HPSE2: variants seen among roughly 807,000 people sequenced by gnomAD.
HPSE2 encodes heparanase 2 (inactive).
Under a neutral mutation model 60.5 loss-of-function variants are expected in HPSE2, and 38 were observed. The observed-to-expected ratio is 0.63, with a 90% CI of 0.48 to 0.82. The LOEUF is 0.82. Among genes scored for constraint, HPSE2 ranks in the 40% least tolerant of loss-of-function variants. HPSE2 has a pLI of 0.00. For synonymous variants in HPSE2, 295 were observed against 293.2 expected, an observed-to-expected ratio of 1.01 and a Z score of -0.06; for missense variants, 713 against 740.4, an observed-to-expected ratio of 0.96 and a Z score of 0.43.
intron 9 of HPSE2, among the ~76,000 whole-genome samples, chr10:98,537,223 G>C (rs1047920781): frequency 6.6e-6 from 1 of 152,136 alleles, no homozygotes; most frequent in Admixed American, 6.5e-5. Context: ...GAGAGGTAGG[G>C]GAATGGAGAT....
intron 6 of HPSE2, among the ~76,000 whole-genome samples, chr10:98,648,729 C>T (rs1401779661): frequency 1.3e-5 from 2 of 151,682 alleles, no homozygotes; most frequent in Non-Finnish European, 2.9e-5. Context: ...GGTGACAGAA[C>T]GAGACTCTCT....
At chr10:99,139,118 A>G (rs1845771178) in intron 3 of HPSE2, among the ~76,000 whole-genome samples, 1 of 152,178 alleles carries the variant, frequency 6.6e-6, no homozygotes, top group Non-Finnish European at 1.5e-5. Flanking sequence ...CAAAGAATAA[A>G]ATGATGTCTT....
chr10:98,866,092 A>G (rs1952580713), intron 3 of HPSE2, among the ~76,000 whole-genome samples: 1 of 152,086 alleles, frequency 6.6e-6, no homozygotes, highest in Non-Finnish European at 1.5e-5. Context: ...ATCCAAAACA[A>G]CTCAGAACTG....
At chr10:98,772,365 C>T (rs953523068) in intron 3 of HPSE2, among the ~76,000 whole-genome samples, 7 of 152,112 alleles carry the variant, frequency 4.6e-5, no homozygotes, top group Non-Finnish European at 8.8e-5. Context: ...ATCAAGAGTC[C>T]TGATCCTTTG....
At chr10:99,244,282 A>G in the HPSE2 span, among the ~76,000 whole-genome samples, 1 of 151,594 alleles carries the variant, frequency 6.6e-6, no homozygotes, top group East Asian at 1.9e-4. Flanking sequence ...CTCCCAAAGT[A>G]CTGGGATTAC....
chr10:98,817,996 T>TC (rs375573445), intron 3 of HPSE2, among the ~76,000 whole-genome samples: 83 of 152,316 alleles, frequency 5.4e-4, no homozygotes, highest in South Asian at 1.7e-3. Context: ...CTGTTCATAC[T>TC]CCAGTCCCTC....
intron 9 of HPSE2, among the ~76,000 whole-genome samples, chr10:98,565,925 A>G (rs1944330336): frequency 6.6e-6 from 1 of 152,152 alleles, no homozygotes; most frequent in Non-Finnish European, 1.5e-5. Context: ...GAGAGAGAGC[A>G]TATCAGCCAA....
intron 3 of HPSE2, among the ~76,000 whole-genome samples, chr10:98,823,089 C>A (rs2134620089): frequency 6.6e-6 from 1 of 152,208 alleles, no homozygotes; most frequent in East Asian, 1.9e-4. Flanking sequence ...ATGCTTCTGG[C>A]TTTGAAGATG....
chr10:98,556,804 C>T (rs1250407778), intron 9 of HPSE2, among the ~76,000 whole-genome samples: 1 of 152,118 alleles, frequency 6.6e-6, no homozygotes, highest in African/African-American at 2.4e-5. Context: ...GACTAATGAG[C>T]TGAGTCTAAA....
chr10:99,189,234 C>G (rs1848135782), intron 2 of HPSE2, among the ~76,000 whole-genome samples: 1 of 152,202 alleles, frequency 6.6e-6, no homozygotes, highest in Non-Finnish European at 1.5e-5. Flanking sequence ...TACAAGGAGG[C>G]TGCTTCTGCA....
intron 3 of HPSE2, among the ~76,000 whole-genome samples, chr10:98,942,169 G>T (rs1415038717): frequency 2.2e-5 from 3 of 138,100 alleles, no homozygotes; most frequent in Non-Finnish European, 4.6e-5. Flanking sequence ...CATAGGCATG[G>T]GCAAGGACTT....
intron 9 of HPSE2, among the ~76,000 whole-genome samples, chr10:98,557,072 G>A (rs10883128): frequency 0.4 from 60,066 of 151,744 alleles, 14,520 homozygotes; most frequent in Admixed American, 0.52. Flanking sequence ...AATTAGCCGG[G>A]CATGGTGGTG....
At chr10:98,965,876 T>C (rs1166022693) in intron 3 of HPSE2, among the ~76,000 whole-genome samples, 16 of 152,096 alleles carry the variant, frequency 1.1e-4, no homozygotes, top group Admixed American at 8.5e-4. Context: ...ATTCAGTCAT[T>C]TACAGAAAGT....
chr10:98,552,447 A>C (rs746028981), intron 9 of HPSE2, among the ~76,000 whole-genome samples: 74 of 152,300 alleles, frequency 4.9e-4, no homozygotes, highest in Middle Eastern at 3.4e-3. Flanking sequence ...AGCGGGATAT[A>C]AGGGTCTGCA....
intron 6 of HPSE2, among the ~76,000 whole-genome samples, chr10:98,687,501 G>T (rs1947947320): frequency 6.6e-6 from 1 of 152,080 alleles, no homozygotes; most frequent in South Asian, 2.1e-4. Context: ...TTACTTTAAA[G>T]TCAGATGATT....
At chr10:99,063,733 A>C (rs1842523113) in intron 3 of HPSE2, among the ~76,000 whole-genome samples, 1 of 152,222 alleles carries the variant, frequency 6.6e-6, no homozygotes, top group Non-Finnish European at 1.5e-5. Context: ...CATTTGTTAC[A>C]TATGTTTATA....
At position 98,766,062 on chromosome 10, in the gene HPSE2, T is replaced by C. The variant is rs571402712; in HGVS notation, c.611-22006A>G. 2.0e-5 allele frequency among the ~76,000 whole-genome samples: 3 copies of C among 151,858 alleles called. No homozygotes were observed. The South Asian group carries it at 6.2e-4, about 32-fold the overall frequency. ...CAGACCAAAAACGAGCTGAGAGACATACAAATTACCAGTATCAAGAAGGGA... is the reference window on the plus strand; with the variant it reads ...CAGACCAAAAACGAGCTGAGAGACACACAAATTACCAGTATCAAGAAGGGA... On this transcript the variant is annotated intron_variant, in intron 3 of 11. Transcript: ENST00000370552.
intron 3 of HPSE2, among the ~76,000 whole-genome samples, chr10:98,839,927 G>A (rs75371554): frequency 1.5e-3 from 232 of 152,298 alleles, no homozygotes; most frequent in African/African-American, 5.3e-3. Context: ...ATAAATGGGA[G>A]AAACATTACA....
At chr10:98,618,274 G>A (rs1945975189) in intron 8 of HPSE2, among the ~76,000 whole-genome samples, 1 of 152,178 alleles carries the variant, frequency 6.6e-6, no homozygotes, top group Non-Finnish European at 1.5e-5. Context: ...CAAAGTGACT[G>A]TAGGAATCTA....
Sources: gnomAD v4.1 joint callset for allele counts (sites outside exome capture counted in the v4.1 genomes callset) on GRCh38, gnomAD v4.1.1 for gene constraint, MANE v1.5 for transcripts, NCBI Gene and HGNC (gene_info 2026-07-23, HGNC 2026-07-21) for gene names.